The following USP15 variants were observed in gnomAD, a reference collection of about 807,000 sequenced individuals.
The protein encoded by USP15 is ubiquitin carboxyl-terminal hydrolase 15.
USP15 carries 18 observed loss-of-function variants against 127.1 expected under a neutral mutation model. The observed-to-expected ratio is 0.14, with a 90% CI of 0.10 to 0.21. The LOEUF is 0.21. Ranked by LOEUF, USP15 falls within the 10% of genes least tolerant of loss-of-function variation. The pLI is 1.00. For missense variants in USP15, 805 were observed against 1,159.9 expected (o/e 0.69, Z 4.44); for synonymous variants, 364 against 393.7 (o/e 0.92, Z 0.89).
chr12:62,296,546 C>T (rs2064134020), intron 2 of USP15, among the ~76,000 whole-genome samples: 1 of 152,044 alleles, frequency 6.6e-6, no homozygotes, highest in African/African-American at 2.4e-5. Context: ...ACATACCTAC[C>T]TAATGGCATA....
chr12:62,354,949 CA>C (rs1328367449), intron 7 of USP15: 1 of 153,896 alleles, frequency 6.5e-6, no homozygotes, highest in Non-Finnish European at 1.4e-5. Flanking sequence ...ATTACAATAA[CA>C]GAATGCAAAG....
intron 11 of USP15, among the ~76,000 whole-genome samples, chr12:62,385,637 C>A (rs1226729960): frequency 6.6e-6 from 1 of 151,938 alleles, no homozygotes; most frequent in East Asian, 1.9e-4. Flanking sequence ...CCAATAAAGA[C>A]CTGCTTTTAC....
In USP15 at chr12:62,280,593, C is replaced by T. The variant is rs115283803; in HGVS notation, c.90-13586C>T. On this transcript the variant is annotated intron_variant, in intron 1 of 21. Transcript: ENST00000280377. ...CTTTTATAAAGGCATAAATTCCATT[C>T]GTGAGGACTCTGCCCTTATGATCTA... Among the ~76,000 whole-genome samples, 438 of 152,228 alleles carry T rather than the reference C, an allele frequency of 2.9e-3. 5 individuals are homozygous for T. The highest frequency in any genetic ancestry group is 0.01 in the African/African-American group (425 of 41,544).
chr12:62,344,731 G>A (rs559297550), intron 6 of USP15, among the ~76,000 whole-genome samples: 8 of 152,278 alleles, frequency 5.3e-5, no homozygotes, highest in Admixed American at 3.3e-4. Flanking sequence ...TACATCCTCT[G>A]AAATCAAGGT....
At chr12:62,363,456 C>A (rs1251497526) in intron 8 of USP15, among the ~76,000 whole-genome samples, 1 of 152,042 alleles carries the variant, frequency 6.6e-6, no homozygotes, top group African/African-American at 2.4e-5. Context: ...TTGCAGTTTC[C>A]TATACCTGTA....
intron 1 of USP15, among the ~76,000 whole-genome samples, chr12:62,286,184 A>AT (rs552296611): frequency 2.0e-5 from 3 of 152,280 alleles, no homozygotes; most frequent in Admixed American, 2.0e-4. Context: ...TAAGGAACTT[A>AT]ATAAGAAAAA....
In USP15 at chr12:62,416,141, T is replaced by C. The variant is rs2068149363; in HGVS notation, c.*11766T>C. The C allele has an allele frequency of 6.6e-6, 1 of 152,218 alleles. No homozygotes were observed. Among genetic ancestry groups the C allele is most frequent in the South Asian group, 2.1e-4 (1 of 4,834 alleles). The allele number at this position is 152,218 out of a possible 1,614,324, so 9.4% of individuals were successfully genotyped here. A position where few individuals can be genotyped will look rare whatever the true frequency, so the allele number is the denominator to read the frequency against. Reference sequence around the variant, plus strand: ...TGACAATGGGGCTTTCCCACATTTGTCCCACATTTGCATGGTCTGCCTTAT... The same window carrying C: ...TGACAATGGGGCTTTCCCACATTTGCCCCACATTTGCATGGTCTGCCTTAT... On this transcript the variant is annotated 3_prime_UTR_variant, in exon 22 of 22. Transcript: ENST00000280377.
In USP15 at chr12:62,404,493, T is replaced by C. The variant is rs748220553; in HGVS notation, c.*118T>C. On this transcript the variant is annotated 3_prime_UTR_variant, in exon 22 of 22. Transcript: ENST00000280377. ...AGATGGGGAGTTTCAGATAACCGAA[T>C]GTAAATCCTTTATCAGATTTTAACT... The C allele has an allele frequency of 7.3e-7, 1 of 1,361,344 alleles. No homozygotes were observed. Among genetic ancestry groups the C allele is most frequent in the African/African-American group, 1.5e-5 (1 of 67,718 alleles). 84.3% of individuals were successfully genotyped at this position (1,361,344 alleles called of 1,614,324 possible).
In USP15 at chr12:62,384,013, C is replaced by A; in HGVS notation, c.1248+15C>A. ...GGCCAGATAAGGTAAATTTCATGAT[C>A]CTATTGTCACCATTGTTATAATTTT... On this transcript the variant is annotated intron_variant, in intron 10 of 21. Transcript: ENST00000280377. The A allele has an allele frequency of 6.2e-7, 1 of 1,610,780 alleles. No homozygotes were observed. Among genetic ancestry groups the A allele is most frequent in the Non-Finnish European group, 8.5e-7 (1 of 1,178,336 alleles).
intron 8 of USP15, among the ~76,000 whole-genome samples, chr12:62,375,193 T>A (rs1190829246): frequency 6.6e-6 from 1 of 152,168 alleles, no homozygotes; most frequent in Non-Finnish European, 1.5e-5. Flanking sequence ...TCCAAACATA[T>A]TTCCTTTGCA....
At chr12:62,289,697 T>TTGTGTGTGTGTG (rs71450579) in intron 1 of USP15, among the ~76,000 whole-genome samples, 4,410 of 135,368 alleles carry the variant, frequency 0.033, 103 homozygotes, top group African/African-American at 0.047. Context: ...GGTTGTTAAT[T>TTGTGTGTGTGTG]TGTGTGTGTG....
chr12:62,393,911 A>T (rs931370701), intron 19 of USP15: 1 of 152,234 alleles, frequency 6.6e-6, no homozygotes, highest in Admixed American at 6.5e-5. Flanking sequence ...AAAGACTAAA[A>T]TAAAACAACA....
At chr12:62,334,528 GT>G (rs1346565121) in intron 6 of USP15, among the ~76,000 whole-genome samples, 2 of 152,114 alleles carry the variant, frequency 1.3e-5, no homozygotes, top group African/African-American at 4.8e-5. Flanking sequence ...AGTAAATGCT[GT>G]TGAACTGAAC....
intron 1 of USP15, among the ~76,000 whole-genome samples, chr12:62,280,716 A>G (rs1483424739): frequency 6.6e-6 from 1 of 152,142 alleles, no homozygotes; most frequent in Non-Finnish European, 1.5e-5. Flanking sequence ...CATGTTGAAA[A>G]GAATAAGGGA....
At chr12:62,356,698 T>G (rs541514859) in intron 8 of USP15, among the ~76,000 whole-genome samples, 2 of 152,156 alleles carry the variant, frequency 1.3e-5, no homozygotes, top group African/African-American at 4.8e-5. Context: ...TAGTGTGAAT[T>G]ACTTTATTCA....
intron 19 of USP15, chr12:62,393,759 T>G (rs1458375784): frequency 6.6e-6 from 1 of 152,310 alleles, no homozygotes; most frequent in African/African-American, 2.4e-5. Context: ...CCGGCTAATT[T>G]TTAGTACAGA....
chr12:62,411,124 A>G lies in USP15; in HGVS notation c.*6749A>G, dbSNP rs1330732781. On this transcript the variant is annotated 3_prime_UTR_variant, in exon 22 of 22. Coordinates refer to ENST00000280377, the MANE Select transcript of USP15 (RefSeq NM_001252078.2). Reference sequence around the variant, plus strand: ...GCTAAGCTTTAATTTGTTTATGCAGAAATAAGGGAAAAGGACCCTAGAGAT... The same window carrying G: ...GCTAAGCTTTAATTTGTTTATGCAGGAATAAGGGAAAAGGACCCTAGAGAT... The G allele has an allele frequency of 6.6e-6, 1 of 152,192 alleles. No homozygotes were observed. The allele number at this position is 152,192 out of a possible 1,614,324, so 9.4% of individuals were successfully genotyped here.
chr12:62,365,381 C>T (rs897964651), intron 8 of USP15, among the ~76,000 whole-genome samples: 6 of 151,990 alleles, frequency 3.9e-5, no homozygotes, highest in African/African-American at 1.4e-4. Flanking sequence ...TATCCTTTGC[C>T]CACTTTTTGA....
At position 62,312,283 on chromosome 12, in the gene USP15, C is replaced by G. The variant is rs140352954; in HGVS notation, c.349-2507C>G. Reference sequence around the variant, plus strand: ...ATTACTTATATTTCTCTTCCCATTTCAGGGAGGGAGCATACTTGGAATGAA... The same window carrying G: ...ATTACTTATATTTCTCTTCCCATTTGAGGGAGGGAGCATACTTGGAATGAA... On this transcript the variant is annotated intron_variant, in intron 3 of 21. Coordinates refer to ENST00000280377, the MANE Select transcript of USP15 (RefSeq NM_001252078.2). 8.8e-4 allele frequency: 301 copies of G among 343,754 alleles called. 1 individual carries two copies. Among genetic ancestry groups the G allele is most frequent in the African/African-American group, 6.3e-3 (288 of 46,038 alleles). The allele number at this position is 343,754 out of a possible 1,614,324, so 21.3% of individuals were successfully genotyped here.
Sources: allele counts gnomAD v4.1 joint callset (sites outside exome capture counted in the v4.1 genomes callset), GRCh38; gene constraint gnomAD v4.1.1; transcripts MANE v1.5; gene names NCBI Gene and HGNC (gene_info 2026-07-23, HGNC 2026-07-21).